The following POU6F2 variants were observed in gnomAD, a reference collection of about 807,000 sequenced individuals.
POU6F2 encodes POU class 6 homeobox 2, also known as POU domain, class 6, transcription factor 2.
In POU6F2, 31 loss-of-function variants were observed where a neutral mutation model predicts 71.3. The observed-to-expected ratio is 0.43, with a 90% confidence interval of 0.33 to 0.59. POU6F2 has a LOEUF of 0.59. Among genes scored for constraint, POU6F2 ranks in the 20% least tolerant of loss-of-function variants. The probability of loss-of-function intolerance (pLI) is 0.04; values close to 1 mark genes in which losing one functional copy is unlikely to be tolerated. For synonymous variants in POU6F2, 347 were observed against 355.7 expected, an observed-to-expected ratio of 0.98 and a Z score of 0.27; for missense variants, 783 against 856.8, an observed-to-expected ratio of 0.91 and a Z score of 1.07.
chr7:39,425,850 C>G (rs949586838), intron 6 of POU6F2, among the ~76,000 whole-genome samples: 2 of 152,182 alleles, frequency 1.3e-5, no homozygotes, highest in Non-Finnish European at 2.9e-5. Context: ...TATTTGAGAG[C>G]AAGGCAGCCC....
chr7:39,416,587 C>A (rs1189220980), intron 6 of POU6F2, among the ~76,000 whole-genome samples: 2 of 152,120 alleles, frequency 1.3e-5, no homozygotes, highest in Non-Finnish European at 2.9e-5. Context: ...ATGAGGTAAA[C>A]CCTTCCAAAG....
chr7:39,065,480 T>A (rs141351481), intron 1 of POU6F2, among the ~76,000 whole-genome samples: 111 of 151,492 alleles, frequency 7.3e-4, no homozygotes, highest in African/African-American at 2.5e-3. Context: ...AGAAAGATAA[T>A]GAAAATAAAA....
At position 39,409,373 on chromosome 7, in the gene POU6F2, A is replaced by C. The variant is rs530990647; in HGVS notation, c.1113+2633A>C. Among the ~76,000 whole-genome samples, 70 of 152,282 alleles carry C rather than the reference A, an allele frequency of 4.6e-4. 1 individual carries two copies. The highest frequency in any genetic ancestry group is 1.7e-3 in the African/African-American group (69 of 41,566). On this transcript the variant is annotated intron_variant, in intron 6 of 9. Transcript: ENST00000518318. ...GGTGGGGTGAGATGGGGGTTCTCTT[A>C]TCAGAAATGTTCTGATCCTCCCCTT...
At chr7:39,385,893 T>C (rs751554891) in intron 5 of POU6F2, among the ~76,000 whole-genome samples, 5 of 152,010 alleles carry the variant, frequency 3.3e-5, no homozygotes, top group Admixed American at 6.6e-5. Flanking sequence ...TTAGGGCAGA[T>C]CACAAGGTCA....
chr7:39,275,021 A>C (rs1008974540), intron 4 of POU6F2, among the ~76,000 whole-genome samples: 6 of 150,942 alleles, frequency 4.0e-5, no homozygotes, highest in African/African-American at 1.5e-4. Flanking sequence ...CACCACTCCT[A>C]TTCAACATAG....
At chr7:39,250,163 C>T (rs1318784372) in intron 4 of POU6F2, among the ~76,000 whole-genome samples, 1 of 152,092 alleles carries the variant, frequency 6.6e-6, no homozygotes, top group African/African-American at 2.4e-5. Flanking sequence ...TTCAGAAAAC[C>T]CCTGCAACCC....
chr7:38,985,263 T>G (rs926947974), intron 1 of POU6F2, among the ~76,000 whole-genome samples: 1 of 152,130 alleles, frequency 6.6e-6, no homozygotes, highest in Non-Finnish European at 1.5e-5. Context: ...CAAGCCTCTT[T>G]CAACCTTTTC....
chr7:39,039,323 G>T (rs1267375522), intron 1 of POU6F2, among the ~76,000 whole-genome samples: 1 of 151,886 alleles, frequency 6.6e-6, no homozygotes, highest in Non-Finnish European at 1.5e-5. Context: ...TTTATTAAAA[G>T]AAAATGAATC....
intron 5 of POU6F2, among the ~76,000 whole-genome samples, chr7:39,355,724 A>G (rs1175523756): frequency 1.3e-5 from 2 of 152,238 alleles, no homozygotes; most frequent in African/African-American, 4.8e-5. Flanking sequence ...TCAAGTTTCA[A>G]CATTATACCA....
chr7:39,406,523 C>T (rs1030573933), intron 5 of POU6F2, 77 bp from the exon 6 acceptor site: 1 of 1,536,174 alleles, frequency 6.5e-7, no homozygotes, highest in African/African-American at 1.4e-5. Flanking sequence ...AACTACCTCC[C>T]CAGAGTCAAT....
intron 1 of POU6F2, among the ~76,000 whole-genome samples, chr7:39,044,912 A>G (rs546050175): frequency 1.3e-5 from 2 of 152,062 alleles, no homozygotes; most frequent in Admixed American, 1.3e-4. Flanking sequence ...TGAAGGCACA[A>G]AAGGTGATTC....
intron 4 of POU6F2, among the ~76,000 whole-genome samples, chr7:39,291,903 C>T (rs1480907863): frequency 6.6e-6 from 1 of 151,888 alleles, no homozygotes; most frequent in African/African-American, 2.4e-5. Flanking sequence ...AATTATAGCT[C>T]TGCCACTCAC....
intron 1 of POU6F2, among the ~76,000 whole-genome samples, chr7:39,047,713 T>C (rs1442311965): frequency 1.3e-5 from 2 of 151,666 alleles, no homozygotes; most frequent in Non-Finnish European, 2.9e-5. Context: ...CTGTAGACAT[T>C]GAGGAAATTC....
intron 4 of POU6F2, among the ~76,000 whole-genome samples, chr7:39,296,828 C>T (rs1310564141): frequency 6.6e-6 from 1 of 152,256 alleles, no homozygotes; most frequent in East Asian, 1.9e-4. Flanking sequence ...ACTATGGTTT[C>T]TCCAGTGCCT....
chr7:39,134,889 T>A (rs1792358612), intron 2 of POU6F2, among the ~76,000 whole-genome samples: 2 of 152,174 alleles, frequency 1.3e-5, no homozygotes, highest in Non-Finnish European at 2.9e-5. Context: ...GTGGGCAAGA[T>A]ACAGTCAAAG....
chr7:39,252,089 A>G (rs929876162), intron 4 of POU6F2, among the ~76,000 whole-genome samples: 1 of 152,044 alleles, frequency 6.6e-6, no homozygotes, highest in African/African-American at 2.4e-5. Context: ...GTGTGTGGCT[A>G]TCCCTGTTGT....
chr7:39,059,170 A>T (rs972457629), intron 1 of POU6F2, among the ~76,000 whole-genome samples: 1 of 152,172 alleles, frequency 6.6e-6, no homozygotes, highest in Admixed American at 6.6e-5. Context: ...GGTGTGCCCT[A>T]TCAGCTCACG....
intron 2 of POU6F2, among the ~76,000 whole-genome samples, chr7:39,153,830 C>T (rs1792808522): frequency 6.6e-6 from 1 of 152,036 alleles, no homozygotes; most frequent in Admixed American, 6.5e-5. Context: ...GCCTTGCGGG[C>T]AAAGGGGACG....
At chr7:39,211,313 T>G (rs1371028013) in intron 4 of POU6F2, among the ~76,000 whole-genome samples, 2 of 152,156 alleles carry the variant, frequency 1.3e-5, no homozygotes, top group Non-Finnish European at 2.9e-5. Context: ...TGAATGTCCT[T>G]ATTAATGCTC....
Sources: allele counts gnomAD v4.1 joint callset (sites outside exome capture counted in the v4.1 genomes callset), GRCh38; gene constraint gnomAD v4.1.1; transcripts MANE v1.5; gene names NCBI Gene and HGNC (gene_info 2026-07-23, HGNC 2026-07-21).